The following UMAD1 variants were observed in gnomAD, a reference collection of about 807,000 sequenced individuals.
UMAD1 encodes UBAP1-MVB12-associated (UMA) domain containing 1.
In UMAD1, 8 loss-of-function variants were observed where a neutral mutation model predicts 6.1. That is an observed-to-expected ratio of 1.30 (90% CI 0.76 to 2.35). UMAD1 has a LOEUF of 2.35. Ranked by LOEUF, UMAD1 falls within the 30% of genes most tolerant of loss-of-function variation. UMAD1 has a pLI of 0.00. For synonymous variants in UMAD1, 56 were observed against 31.4 expected (o/e 1.78, Z -2.61); for missense variants, 130 against 78.4 (o/e 1.66, Z -2.49).
intron 3 of UMAD1, among the ~76,000 whole-genome samples, chr7:7,825,072 T>G (rs1374151308): frequency 6.6e-6 from 1 of 152,132 alleles, no homozygotes; most frequent in African/African-American, 2.4e-5. Flanking sequence ...TAGCTCTCCT[T>G]TCAGTTTTTA....
At chr7:7,788,027 A>T (rs1021794050) in intron 2 of UMAD1, among the ~76,000 whole-genome samples, 4 of 152,204 alleles carry the variant, frequency 2.6e-5, no homozygotes, top group Non-Finnish European at 5.9e-5. Context: ...GCAATGCACC[A>T]GTCGGGAAAC....
chr7:7,765,854 C>A (rs538369786), intron 2 of UMAD1, among the ~76,000 whole-genome samples: 62 of 152,184 alleles, frequency 4.1e-4, no homozygotes, highest in African/African-American at 1.5e-3. Context: ...ATAGAATGTT[C>A]TACTCAAAAT....
At chr7:7,704,766 CAAAAAAA>C (rs71011001) in intron 2 of UMAD1, among the ~76,000 whole-genome samples, 2 of 17,824 alleles carry the variant, frequency 1.1e-4, no homozygotes, top group African/African-American at 4.2e-4. Flanking sequence ...GACTCCATCT[CAAAAAAA>C]AAAAAAAAAA....
At chr7:7,790,709 A>G (rs149454308) in intron 2 of UMAD1, among the ~76,000 whole-genome samples, 1 of 152,276 alleles carries the variant, frequency 6.6e-6, no homozygotes, top group Non-Finnish European at 1.5e-5. Flanking sequence ...TAAGGCAGTA[A>G]TTTCTCACGT....
intron 3 of UMAD1, among the ~76,000 whole-genome samples, chr7:7,858,951 A>C (rs866960269): frequency 1.3e-5 from 2 of 152,164 alleles, no homozygotes; most frequent in Non-Finnish European, 2.9e-5. Flanking sequence ...AAAACAAAAA[A>C]TTTTAAAGAA....
chr7:7,740,932 T>C (rs1781450262), intron 2 of UMAD1: 2 of 152,246 alleles, frequency 1.3e-5, no homozygotes, highest in Non-Finnish European at 2.9e-5. Context: ...TCCAAGGATG[T>C]ATTGTGAGAA....
At chr7:7,827,432 G>C (rs558051742) in intron 3 of UMAD1, among the ~76,000 whole-genome samples, 1 of 151,720 alleles carries the variant, frequency 6.6e-6, no homozygotes, top group Non-Finnish European at 1.5e-5. Flanking sequence ...GATATTTATC[G>C]TACTATATCT....
intron 1 of UMAD1, among the ~76,000 whole-genome samples, chr7:7,649,641 T>C (rs1260120980): frequency 1.3e-5 from 2 of 152,210 alleles, no homozygotes; most frequent in Non-Finnish European, 2.9e-5. Context: ...TTTAATGTTA[T>C]CAGTCTGTGT....
intron 2 of UMAD1, among the ~76,000 whole-genome samples, chr7:7,729,015 G>A (rs906262082): frequency 9.2e-5 from 14 of 152,292 alleles, no homozygotes; most frequent in Admixed American, 6.5e-4. Flanking sequence ...TGGTATGAGA[G>A]CAGCTGACCA....
At chr7:7,659,482 C>G (rs964794355) in intron 1 of UMAD1, among the ~76,000 whole-genome samples, 1 of 152,154 alleles carries the variant, frequency 6.6e-6, no homozygotes, top group Non-Finnish European at 1.5e-5. Context: ...TTAGATGTGT[C>G]CCAGGGATTC....
In UMAD1 at chr7:7,830,450, T is replaced by TA. The variant is rs754226557; in HGVS notation, c.156+28713dup. ...ATATTGATTTTTTACCTCTATTAGG[T>TA]AAAAAATTATATGTTTTGGTTTCTC... On this transcript the variant is annotated intron_variant, in intron 3 of 3. Transcript: ENST00000682710. This position sits in a 1 kb window ranked among gnomAD's most constrained non-coding sequence, Gnocchi z 5.3. Among the ~76,000 whole-genome samples, 4 of 152,132 alleles carry TA rather than the reference T, an allele frequency of 2.6e-5. No homozygotes were observed. Among genetic ancestry groups the TA allele is most frequent in the Admixed American group, 6.6e-5 (1 of 15,266 alleles).
At chr7:7,866,498 A>G (rs899204387) in intron 3 of UMAD1, among the ~76,000 whole-genome samples, 68 of 152,322 alleles carry the variant, frequency 4.5e-4, no homozygotes, top group African/African-American at 1.6e-3. Context: ...GGCAAGATGA[A>G]GGGAGTAGAA....
intron 2 of UMAD1, among the ~76,000 whole-genome samples, chr7:7,777,499 C>A (rs1392081736): frequency 1.8e-5 from 2 of 108,860 alleles, no homozygotes; most frequent in East Asian, 4.8e-4. Context: ...GTGTGAGACT[C>A]CATCTCAAAA....
intron 2 of UMAD1, among the ~76,000 whole-genome samples, chr7:7,790,795 C>T (rs1340506877): frequency 6.6e-6 from 1 of 152,228 alleles, no homozygotes; most frequent in Non-Finnish European, 1.5e-5. Flanking sequence ...AAACTGAACT[C>T]TGTCTTCATC....
At chr7:7,695,127 C>A (rs1158254732) in intron 2 of UMAD1, among the ~76,000 whole-genome samples, 1 of 152,154 alleles carries the variant, frequency 6.6e-6, no homozygotes, top group African/African-American at 2.4e-5. Context: ...TTTGCTTTCT[C>A]TGATGATCAG....
chr7:7,851,767 T>C (rs550253685), intron 3 of UMAD1, among the ~76,000 whole-genome samples: 1 of 152,362 alleles, frequency 6.6e-6, no homozygotes, highest in Admixed American at 6.5e-5. Flanking sequence ...CTAAAAAATA[T>C]ATTCTAGATG....
At chr7:7,824,587 C>A (rs575092126) in intron 3 of UMAD1, among the ~76,000 whole-genome samples, 1 of 152,230 alleles carries the variant, frequency 6.6e-6, no homozygotes, top group East Asian at 1.9e-4. Context: ...CTTTTGTATC[C>A]ACTTGTGGTA....
chr7:7,844,542 G>A (rs1032108319), intron 3 of UMAD1, among the ~76,000 whole-genome samples: 1 of 152,082 alleles, frequency 6.6e-6, no homozygotes, highest in Non-Finnish European at 1.5e-5. Context: ...GTTGGAATTG[G>A]CATTCATTGA....
intron 1 of UMAD1, among the ~76,000 whole-genome samples, chr7:7,670,933 C>T (rs1400075482): frequency 6.6e-6 from 1 of 152,184 alleles, no homozygotes; most frequent in African/African-American, 2.4e-5. Flanking sequence ...GGGAGAGGCT[C>T]CTCCATCCAT....
Sources: allele counts gnomAD v4.1 joint callset (sites outside exome capture counted in the v4.1 genomes callset), GRCh38; gene constraint gnomAD v4.1.1; non-coding constraint Gnocchi (gnomAD v3.1); transcripts MANE v1.5; gene names NCBI Gene and HGNC (gene_info 2026-07-23, HGNC 2026-07-21).